GMDS: variants seen among roughly 807,000 people sequenced by gnomAD.
GMDS encodes GDP-mannose 4,6 dehydratase.
GMDS carries 20 observed loss-of-function variants against 49.9 expected under a neutral mutation model. The ratio of observed to expected loss-of-function variants is 0.40; its 90% CI spans 0.28 to 0.58. The LOEUF is 0.58. GMDS is among the 20% of genes least tolerant of loss of function. The pLI is 0.42. For missense variants in GMDS, 362 were observed against 481.4 expected (o/e 0.75, Z 2.32); for synonymous variants, 177 against 178.6 (o/e 0.99, Z 0.07).
chr6:1,735,125 C>T (rs564911241), intron 8 of GMDS, among the ~76,000 whole-genome samples: 2 of 152,288 alleles, frequency 1.3e-5, no homozygotes, highest in East Asian at 3.9e-4. Context: ...CCTGAGGGGC[C>T]ACAGTGAGTA....
chr6:1,931,929 G>A (rs1327012926), intron 6 of GMDS, among the ~76,000 whole-genome samples: 1 of 152,216 alleles, frequency 6.6e-6, no homozygotes, highest in Non-Finnish European at 1.5e-5. Flanking sequence ...TGGGAGAGAA[G>A]CAGCAGCCCC....
At chr6:1,632,829 T>C (rs1763036847) in intron 9 of GMDS, among the ~76,000 whole-genome samples, 1 of 152,212 alleles carries the variant, frequency 6.6e-6, no homozygotes, top group South Asian at 2.1e-4. Context: ...CAGTGAGCTA[T>C]GATTACACCA....
intron 4 of GMDS, among the ~76,000 whole-genome samples, chr6:1,966,495 C>T (rs867700515): frequency 1.3e-5 from 2 of 152,178 alleles, no homozygotes; most frequent in African/African-American, 4.8e-5. Context: ...GGCATCAAGT[C>T]TCCAGGCTCT....
intron 7 of GMDS, among the ~76,000 whole-genome samples, chr6:1,767,917 G>T (rs1768421134): frequency 6.6e-6 from 1 of 151,972 alleles, no homozygotes. Context: ...ATTGCTCAGT[G>T]TTTACATTTT....
intron 9 of GMDS, among the ~76,000 whole-genome samples, chr6:1,684,214 G>T (rs1764893393): frequency 6.6e-6 from 1 of 152,284 alleles, no homozygotes; most frequent in South Asian, 2.1e-4. Flanking sequence ...GAAGTCGTAT[G>T]GAAACACCAG....
In GMDS at chr6:1,640,930, G is replaced by A. The variant is rs186888832; in HGVS notation, c.988-16390C>T. ...GAGCAGGCTGGGCTAGGGCCCTGAA[G>A]GGCCGGCTGGTTAGAAACCCTGAAG... On this transcript the variant is annotated intron_variant, in intron 9 of 10. Transcript: ENST00000380815. The surrounding 1 kb of genome is among the most constrained non-coding windows in gnomAD (Gnocchi z 4.0). Among the ~76,000 whole-genome samples the A allele has an allele frequency of 6.6e-6, 1 of 152,354 alleles. No individual in the cohort carries two copies. The highest frequency in any genetic ancestry group is 1.9e-4 in the East Asian group (1 of 5,182).
At chr6:1,646,879 G>C (rs1193419448) in intron 9 of GMDS, among the ~76,000 whole-genome samples, 1 of 152,164 alleles carries the variant, frequency 6.6e-6, no homozygotes, top group African/African-American at 2.4e-5. Context: ...CCCATGTGGT[G>C]GGGGGTGGGG....
chr6:1,921,645 A>C (rs1377859276), intron 7 of GMDS, among the ~76,000 whole-genome samples: 1 of 152,210 alleles, frequency 6.6e-6, no homozygotes, highest in Non-Finnish European at 1.5e-5. Flanking sequence ...TATGTTTCAA[A>C]GATGCAGGAA....
chr6:2,105,979 G>A (rs574220570), intron 4 of GMDS, among the ~76,000 whole-genome samples: 2 of 152,244 alleles, frequency 1.3e-5, no homozygotes, highest in South Asian at 2.1e-4. Flanking sequence ...GTCTCTTAAC[G>A]ATAAACTGTT....
chr6:1,652,655 T>TATAA (rs1763732805), intron 9 of GMDS, among the ~76,000 whole-genome samples: 1 of 3,126 alleles, frequency 3.2e-4, no homozygotes, highest in African/African-American at 8.8e-4. Flanking sequence ...TATATATTAT[T>TATAA]TATATATAAT....
intron 4 of GMDS, among the ~76,000 whole-genome samples, chr6:2,054,809 C>A (rs1770686535): frequency 6.6e-6 from 1 of 150,750 alleles, no homozygotes; most frequent in Non-Finnish European, 1.5e-5. Flanking sequence ...AAAACAAAAA[C>A]AAAACAAAAC....
chr6:2,226,759 T>C (rs954857228), intron 1 of GMDS, among the ~76,000 whole-genome samples: 4 of 152,180 alleles, frequency 2.6e-5, no homozygotes, highest in African/African-American at 9.7e-5. Flanking sequence ...AACTAAAATA[T>C]ACACACAAAT....
intron 7 of GMDS, among the ~76,000 whole-genome samples, chr6:1,799,432 T>C (rs975639608): frequency 2.0e-5 from 3 of 152,216 alleles, no homozygotes; most frequent in African/African-American, 7.2e-5. Context: ...AGTTTTCTTT[T>C]TCAAGTTGTG....
In GMDS at chr6:1,751,190, AGCG is replaced by A. The variant is rs1278499470; in HGVS notation, c.772-8607_772-8605del. 3.9e-5 allele frequency among the ~76,000 whole-genome samples: 6 copies of A among 152,352 alleles called. No homozygotes were observed. The South Asian group carries it at 1.0e-3, about 26-fold the overall frequency. The stretch of plus-strand genomic sequence containing the variant: ...CCTGCCTGCCGGCTCTGAAGAGAGC[AGCG>A]GATCTCCCAGCACAACACTTGAGCT... On this transcript the variant is annotated intron_variant, in intron 7 of 10. Coordinates refer to ENST00000380815, the MANE Select transcript of GMDS (RefSeq NM_001500.4).
At chr6:1,945,547 A>G (rs1763040251) in intron 6 of GMDS, among the ~76,000 whole-genome samples, 1 of 152,126 alleles carries the variant, frequency 6.6e-6, no homozygotes, top group Non-Finnish European at 1.5e-5. Context: ...GTTGGCTTGA[A>G]ATTTAGAGTA....
chr6:2,081,887 G>A (rs1159709867), intron 4 of GMDS, among the ~76,000 whole-genome samples: 4 of 152,036 alleles, frequency 2.6e-5, no homozygotes, highest in Non-Finnish European at 4.4e-5. Context: ...CAACGAAGGT[G>A]GCCTCTCAAT....
intron 4 of GMDS, among the ~76,000 whole-genome samples, chr6:1,996,669 T>C (rs1280590008): frequency 2.6e-5 from 4 of 151,972 alleles, no homozygotes; most frequent in Non-Finnish European, 5.9e-5. Context: ...CACCTTCCCA[T>C]CAAGAGGATT....
At chr6:1,846,330 T>C (rs1039059846) in intron 7 of GMDS, among the ~76,000 whole-genome samples, 1 of 152,112 alleles carries the variant, frequency 6.6e-6, no homozygotes, top group Non-Finnish European at 1.5e-5. Flanking sequence ...TGGGCTCAAG[T>C]GATCCACTTG....
chr6:2,034,591 C>T (rs1049982877), intron 4 of GMDS, among the ~76,000 whole-genome samples: 8 of 152,166 alleles, frequency 5.3e-5, no homozygotes, highest in African/African-American at 1.9e-4. Flanking sequence ...TATTAAAAAA[C>T]GTAACATTCC....
Sources: gnomAD v4.1 joint callset for allele counts (sites outside exome capture counted in the v4.1 genomes callset) on GRCh38, gnomAD v4.1.1 for gene constraint, Gnocchi (gnomAD v3.1) non-coding constraint, MANE v1.5 for transcripts, NCBI Gene and HGNC (gene_info 2026-07-23, HGNC 2026-07-21) for gene names.